Variants in ZNF512 observed in about 807,000 individuals in gnomAD.
ZNF512 encodes the protein zinc finger protein 512.
A neutral mutation model predicts 77.5 loss-of-function variants in ZNF512; 25 were observed. The ratio of observed to expected loss-of-function variants is 0.32; its 90% confidence interval spans 0.23 to 0.45. The LOEUF (loss-of-function observed/expected upper bound fraction) is 0.45. Ranked by LOEUF, ZNF512 falls within the 20% of genes least tolerant of loss-of-function variation. ZNF512 has a pLI of 1.00. For missense variants in ZNF512, 483 were observed against 692.6 expected, an observed-to-expected ratio of 0.70 and a Z score of 3.40; for synonymous variants, 246 against 239.9, an observed-to-expected ratio of 1.03 and a Z score of -0.24.
At chr2:27,611,320 T>C (rs1200021263) in intron 10 of ZNF512, among the ~76,000 whole-genome samples, 1 of 152,174 alleles carries the variant, frequency 6.6e-6, no homozygotes, top group Non-Finnish European at 1.5e-5. Context: ...TTTGTGTCCT[T>C]GATGCTGTTG....
chr2:27,617,600 A>T, intron 13 of ZNF512, 29 bp downstream of exon 13: 2 of 835,446 alleles, frequency 2.4e-6, no homozygotes, highest in Non-Finnish European at 4.3e-6. Context: ...TGTGGGCCTG[A>T]TATGTAAGCC....
chr2:27,589,881 C>CAAT (rs1671496241), intron 2 of ZNF512, among the ~76,000 whole-genome samples: 1 of 152,002 alleles, frequency 6.6e-6, no homozygotes, highest in Non-Finnish European at 1.5e-5. Flanking sequence ...AGATATCTTC[C>CAAT]TATTATTGAC....
intron 2 of ZNF512, among the ~76,000 whole-genome samples, chr2:27,586,214 TTTGTTGTTG>T (rs70953868): frequency 2.7e-5 from 4 of 149,444 alleles, no homozygotes; most frequent in African/African-American, 5.0e-5. Context: ...CCATCAAGTC[TTTGTTGTTG>T]TTGTTGTTGT....
At chr2:27,609,386 A>G (rs966617187) in intron 10 of ZNF512, among the ~76,000 whole-genome samples, 3 of 152,176 alleles carry the variant, frequency 2.0e-5, no homozygotes, top group African/African-American at 7.2e-5. Flanking sequence ...TTATCTCATG[A>G]TATTACAGTC....
At chr2:27,611,886 C>G (rs1039209371) in intron 10 of ZNF512, among the ~76,000 whole-genome samples, 1 of 151,918 alleles carries the variant, frequency 6.6e-6, no homozygotes, top group Non-Finnish European at 1.5e-5. Context: ...ATGGTAGAGA[C>G]GGGGTTTCAC....
At chr2:27,610,028 A>T (rs1307563757) in intron 10 of ZNF512, among the ~76,000 whole-genome samples, 1 of 151,966 alleles carries the variant, frequency 6.6e-6, no homozygotes, top group Non-Finnish European at 1.5e-5. Flanking sequence ...GCCACAGAGC[A>T]AGACTTCATC....
In ZNF512 at chr2:27,615,038, T is replaced by C. The variant is rs1019564652; in HGVS notation, c.1132-130T>C. The C allele has an allele frequency of 6.9e-6, 4 of 582,874 alleles. No individual in the cohort carries two copies. The Admixed American group carries it at 1.0e-4, about 15-fold the overall frequency. 36.1% of individuals were successfully genotyped at this position (582,874 alleles called of 1,614,324 possible). On this transcript the variant is annotated intron_variant, in intron 10 of 13. Transcript: ENST00000355467. The stretch of plus-strand genomic sequence containing the variant: ...CAGGTACTTTATAGGGTCTTATATC[T>C]TACAGTTTTTTTGTGTACAAGAGTA...
chr2:27,619,031 A>G (rs1211031208), intron 13 of ZNF512, among the ~76,000 whole-genome samples: 2 of 152,248 alleles, frequency 1.3e-5, no homozygotes, highest in East Asian at 3.8e-4. Context: ...CAGAATCCCT[A>G]ACCAAAGCCT....
chr2:27,599,250 C>T (rs1038523704), intron 3 of ZNF512, among the ~76,000 whole-genome samples: 4 of 152,150 alleles, frequency 2.6e-5, no homozygotes, highest in East Asian at 1.9e-4. Flanking sequence ...CTCAAGGGTC[C>T]TTGGTGGCTA....
In ZNF512 at chr2:27,602,562, G is replaced by A. The variant is rs1170615781; in HGVS notation, c.768+1G>A. The A allele has an allele frequency of 6.2e-7, 1 of 1,610,632 alleles. No homozygotes were observed. Among genetic ancestry groups the A allele is most frequent in the Non-Finnish European group, 8.5e-7 (1 of 1,179,034 alleles). ...GGGAAAGCTCAGGTGCATGCGTGAG[G>A]TAAGGGCCCAAGGACAGCAATTCCT... On this transcript the variant is annotated splice_donor_variant, in intron 8 of 13. Coordinates refer to ENST00000355467, the MANE Select transcript of ZNF512 (RefSeq NM_032434.4). LOFTEE classifies it high-confidence loss of function.
chr2:27,603,660 T>G, intron 9 of ZNF512, among the ~76,000 whole-genome samples: 1 of 148,204 alleles, frequency 6.7e-6, no homozygotes. Flanking sequence ...GGTGGGATCA[T>G]AGCTCACTGC....
intron 2 of ZNF512, among the ~76,000 whole-genome samples, chr2:27,584,730 A>G (rs776267754): frequency 2.6e-5 from 4 of 152,240 alleles, no homozygotes; most frequent in Non-Finnish European, 5.9e-5. Context: ...TTTTCAGAAC[A>G]GAGAACAGCA....
Position 27,600,137 on chromosome 2 carries a change from C to A in ZNF512, c.457+84C>A, listed in dbSNP as rs140866703. On this transcript the variant is annotated intron_variant, in intron 5 of 13. Coordinates refer to ENST00000355467, the MANE Select transcript of ZNF512 (RefSeq NM_032434.4). ...GTGTTGTCTGTGAAGGAATGAGGTA[C>A]TAAAGCATTTCTTTAAGGAGGCAGT... 18,305 of 1,446,062 alleles carry A rather than the reference C, an allele frequency of 0.013. 150 individuals are homozygous for A. Among genetic ancestry groups the A allele is most frequent in the Non-Finnish European group, 0.014 (15,114 of 1,045,226 alleles). The allele number at this position is 1,446,062 out of a possible 1,614,324, so 89.6% of individuals were successfully genotyped here.
Position 27,601,618 on chromosome 2 carries a change from C to G in ZNF512, c.669+176C>G, listed in dbSNP as rs62138968. ...CCCCTTGAGTGGTTAGGACTACAGG[C>G]GTGCGCCACCACGCCTGGCTAATTT... On this transcript the variant is annotated intron_variant, in intron 7 of 13. Coordinates refer to ENST00000355467, the MANE Select transcript of ZNF512 (RefSeq NM_032434.4). 0.2 allele frequency among the ~76,000 whole-genome samples: 30,945 copies of G among 151,500 alleles called. 3,361 individuals carry two copies. Among genetic ancestry groups the G allele is most frequent in the East Asian group, 0.35 (1,819 of 5,132 alleles).
chr2:27,605,308 CTGGGTG>C (rs1253365276), intron 9 of ZNF512, among the ~76,000 whole-genome samples: 1 of 151,762 alleles, frequency 6.6e-6, no homozygotes, highest in African/African-American at 2.4e-5. Flanking sequence ...CAAAAATTAG[CTGGGTG>C]TGGGTGGTGC....
At chr2:27,611,951 G>T (rs902179447) in intron 10 of ZNF512, among the ~76,000 whole-genome samples, 2 of 152,060 alleles carry the variant, frequency 1.3e-5, no homozygotes, top group African/African-American at 2.4e-5. Context: ...CCCCTAGAGT[G>T]CTGGGATTAC....
intron 2 of ZNF512, among the ~76,000 whole-genome samples, chr2:27,595,395 G>C (rs1275968663): frequency 6.7e-6 from 1 of 149,974 alleles, no homozygotes; most frequent in Admixed American, 6.7e-5. Context: ...CGCGATCTCT[G>C]CTCATTGCAG....
chr2:27,591,555 C>T (rs1265388742), intron 2 of ZNF512, among the ~76,000 whole-genome samples: 3 of 152,178 alleles, frequency 2.0e-5, no homozygotes, highest in East Asian at 1.9e-4. Context: ...GCTGGGACTA[C>T]AGGCGCATGC....
intron 2 of ZNF512, among the ~76,000 whole-genome samples, chr2:27,592,999 C>A (rs1440872101): frequency 2.0e-5 from 3 of 151,720 alleles, no homozygotes; most frequent in African/African-American, 4.8e-5. Flanking sequence ...CATTTATATT[C>A]TTTTTCTTTT....
Sources: allele counts gnomAD v4.1 joint callset (sites outside exome capture counted in the v4.1 genomes callset), GRCh38; gene constraint gnomAD v4.1.1; transcripts MANE v1.5; gene names NCBI Gene and HGNC (gene_info 2026-07-23, HGNC 2026-07-21).